Variants in SHPRH observed in about 807,000 individuals in gnomAD.
SHPRH encodes SNF2 histone linker PHD RING helicase, also known as E3 ubiquitin-protein ligase SHPRH.
In SHPRH, 106 loss-of-function variants were observed where a neutral mutation model predicts 202.5. The ratio of observed to expected loss-of-function variants is 0.52; its 90% confidence interval spans 0.45 to 0.62. The LOEUF is 0.62. Among genes scored for constraint, SHPRH ranks in the 20% least tolerant of loss-of-function variants. The pLI, the probability that SHPRH is intolerant of heterozygous loss-of-function variation, is 0.00. For missense variants in SHPRH, 1,710 were observed against 2,020.0 expected (o/e 0.85, Z 2.94); for synonymous variants, 729 against 686.0 (o/e 1.06, Z -0.98).
intron 18 of SHPRH, among the ~76,000 whole-genome samples, chr6:145,923,354 A>G (rs1452625198): frequency 6.6e-6 from 1 of 151,902 alleles, no homozygotes; most frequent in Non-Finnish European, 1.5e-5. Context: ...CTTTTCCTGT[A>G]TAATTTCAAT....
Position 145,955,166 on chromosome 6 carries a change from G to A in SHPRH, c.157C>T (p.His53Tyr). The A allele has an allele frequency of 1.9e-6, 3 of 1,613,734 alleles. No individual in the cohort carries two copies. The highest frequency in any genetic ancestry group is 2.5e-6 in the Non-Finnish European group (3 of 1,179,946). The change falls in exon 2 of 30, where the codon CAT (histidine) becomes TAT (tyrosine). Residue 53 changes from histidine (H) to tyrosine (Y), a missense_variant. Physicochemically the swap from His to Tyr is moderately conservative, Grantham distance 83. Around this residue, in one of 8 missense-constraint regions of SHPRH, gnomAD observed 459 missense variants for 426.5 expected, o/e 1.08. Transcript: ENST00000275233. ...PCPGSDTSSAHYIILSDSLKE... is the reference protein window; with the variant it reads ...PCPGSDTSSAYYIILSDSLKE... ...AGACTATCACTTAGAATGATATAAT[G>A]AGCAGAAGAGGTATCTGAACCTGGG...
intron 2 of SHPRH, among the ~76,000 whole-genome samples, chr6:145,870,587 G>A (rs550252698): frequency 7.2e-5 from 11 of 152,144 alleles, no homozygotes; most frequent in African/African-American, 2.7e-4. Flanking sequence ...ACATGATCAT[G>A]TCATCTGTGA....
chr6:145,910,390 C>G, intron 25 of SHPRH, 58 bp downstream of exon 25: 1 of 1,561,784 alleles, frequency 6.4e-7, no homozygotes, highest in Non-Finnish European at 8.7e-7. Flanking sequence ...TAATCAGATA[C>G]TGCTTCCTAT....
chr6:145,895,563 A>C (rs1781945272), intron 25 of SHPRH, among the ~76,000 whole-genome samples: 1 of 151,526 alleles, frequency 6.6e-6, no homozygotes, highest in Non-Finnish European at 1.5e-5. Flanking sequence ...ATCTTCCATA[A>C]CCATTTCTAT....
chr6:145,947,259 T>C (rs557565812), intron 6 of SHPRH, among the ~76,000 whole-genome samples: 2 of 152,158 alleles, frequency 1.3e-5, no homozygotes, highest in South Asian at 4.1e-4. Context: ...GAAAGTTCAG[T>C]AAGTGATCAC....
intron 10 of SHPRH, 74 bp downstream of exon 10, chr6:145,941,549 A>G: frequency 6.4e-7 from 1 of 1,572,884 alleles, no homozygotes; most frequent in Admixed American, 1.8e-5. Context: ...TTAAACTATT[A>G]AACTACTCAA....
At chr6:145,912,241 G>T (rs532826255) in intron 24 of SHPRH, among the ~76,000 whole-genome samples, 1 of 151,858 alleles carries the variant, frequency 6.6e-6, no homozygotes, top group South Asian at 2.1e-4. Context: ...AAATTAGAAG[G>T]GGGGAGAACT....
At chr6:145,863,611 T>C (rs915465818), downstream of SHPRH, among the ~76,000 whole-genome samples, 10 of 152,162 alleles carry the variant, frequency 6.6e-5, no homozygotes, top group African/African-American at 2.4e-4. Context: ...GACAGTGAGC[T>C]TAATGTGACC....
rs746870874 is a variant in SHPRH at position 145,935,072 on chromosome 6, C to A, written c.2825G>T (p.Cys942Phe). The A allele has an allele frequency of 6.2e-7, 1 of 1,613,684 alleles. No homozygotes were observed. ...CCTGAGTTTTACCACCACATCCTGG[C>A]AGCACACCTCATGCTGACGGTGATA... ...HFYHRQHEVC[C>F]QDVVVKLRKI... The change falls in exon 13 of 30, where the codon TGC (cysteine) becomes TTC (phenylalanine). Residue 942 changes from cysteine to phenylalanine, a missense_variant. Around this residue, in one of 8 missense-constraint regions of SHPRH, gnomAD observed 277 missense variants for 363.0 expected, o/e 0.76. Coordinates refer to ENST00000275233, the MANE Select transcript of SHPRH (RefSeq NM_001042683.3).
intron 1 of SHPRH, among the ~76,000 whole-genome samples, chr6:145,963,051 A>T (rs1789261347): frequency 6.6e-6 from 1 of 152,238 alleles, no homozygotes; most frequent in Non-Finnish European, 1.5e-5. Context: ...AAGAGGATAT[A>T]CAAGAGCATC....
At chr6:145,938,524 A>G (rs1438569310) in intron 11 of SHPRH, among the ~76,000 whole-genome samples, 3 of 152,342 alleles carry the variant, frequency 2.0e-5, no homozygotes, top group Non-Finnish European at 4.4e-5. Flanking sequence ...GTACTTGTTA[A>G]AGTCAATACT....
intron 2 of SHPRH, among the ~76,000 whole-genome samples, chr6:145,953,112 A>C (rs1788151023): frequency 1.3e-5 from 2 of 152,022 alleles, no homozygotes; most frequent in African/African-American, 4.8e-5. Flanking sequence ...TAAATAATAT[A>C]ACTATAAAAG....
chr6:145,909,138 T>C (rs1257229878), intron 25 of SHPRH: 1 of 152,164 alleles, frequency 6.6e-6, no homozygotes, highest in African/African-American at 2.4e-5. Context: ...TTGGTTACTG[T>C]AGCCTTGTAG....
Position 145,869,230 on chromosome 6 carries a change from T to C in SHPRH, c.222-4739A>G, listed in dbSNP as rs138725527. Among the ~76,000 whole-genome samples, 120 of 152,358 alleles carry C rather than the reference T, an allele frequency of 7.9e-4. 1 individual carries two copies. The East Asian group carries it at 0.019, about 24-fold the overall frequency. On this transcript the variant is annotated intron_variant, in intron 2 of 2. Coordinates refer to the SHPRH transcript ENST00000417762. ...TATTGTTGAGCTTTAAGTATTTTTATGTATTTGGATAACAGTTCCTTATCA... is the reference window on the plus strand; with the variant it reads ...TATTGTTGAGCTTTAAGTATTTTTACGTATTTGGATAACAGTTCCTTATCA...
At chr6:145,867,619 TATATATATATATAGAGAGAGAG>T (rs1562268455) in intron 2 of SHPRH, among the ~76,000 whole-genome samples, 1 of 70,342 alleles carries the variant, frequency 1.4e-5, no homozygotes, top group East Asian at 4.8e-4. Context: ...TATATATATA[TATATATATATATAGAGAGAGAG>T]AGAGAGAGAG....
chr6:145,901,299 T>C (rs1055350443), intron 25 of SHPRH, among the ~76,000 whole-genome samples: 5 of 152,110 alleles, frequency 3.3e-5, no homozygotes, highest in African/African-American at 1.2e-4. Flanking sequence ...ACTACACACA[T>C]TCTACTGCTC....
intron 2 of SHPRH, among the ~76,000 whole-genome samples, chr6:145,872,554 A>T (rs1428244543): frequency 6.6e-6 from 1 of 152,206 alleles, no homozygotes; most frequent in South Asian, 2.1e-4. Context: ...GCTGATGAGG[A>T]TGTGAAGAAA....
At chr6:145,928,593 T>C (rs1785115630) in intron 14 of SHPRH, among the ~76,000 whole-genome samples, 1 of 152,016 alleles carries the variant, frequency 6.6e-6, no homozygotes, top group Non-Finnish European at 1.5e-5. Context: ...TTAGCTCATA[T>C]ATAAGTTTAC....
intron 29 of SHPRH, among the ~76,000 whole-genome samples, chr6:145,887,209 A>G (rs1562283154): frequency 6.6e-6 from 1 of 152,192 alleles, no homozygotes; most frequent in Non-Finnish European, 1.5e-5. Context: ...AAAAGCCTTC[A>G]TGTTTTAGGT....
Sources: allele counts gnomAD v4.1 joint callset (sites outside exome capture counted in the v4.1 genomes callset), GRCh38; gene constraint gnomAD v4.1.1; regional missense constraint gnomAD v4.1.1; transcripts MANE v1.5; gene names NCBI Gene and HGNC (gene_info 2026-07-23, HGNC 2026-07-21).